The following PTGER4 variants were observed in gnomAD, a reference collection of about 807,000 sequenced individuals.
PTGER4 encodes prostaglandin E2 receptor EP4 subtype.
Under a neutral mutation model 33.2 loss-of-function variants are expected in PTGER4, and 11 were observed. The observed-to-expected ratio is 0.33, with a 90% CI of 0.21 to 0.55. The LOEUF (loss-of-function observed/expected upper bound fraction) is 0.55. Among genes scored for constraint, PTGER4 ranks in the 20% least tolerant of loss-of-function variants. PTGER4 has a pLI of 0.92. For synonymous variants in PTGER4, 275 were observed against 281.5 expected (o/e 0.98, Z 0.23); for missense variants, 481 against 650.2 (o/e 0.74, Z 2.83).
chr5:40,729,466 T>C, the PTGER4 span, among the ~76,000 whole-genome samples: 1 of 152,210 alleles, frequency 6.6e-6, no homozygotes, highest in African/African-American at 2.4e-5. Flanking sequence ...TACAAAATAT[T>C]AGAAACATGT....
the PTGER4 span, among the ~76,000 whole-genome samples, chr5:40,711,353 A>C: frequency 6.6e-6 from 1 of 152,176 alleles, no homozygotes; most frequent in Non-Finnish European, 1.5e-5. Context: ...TATCCACTAA[A>C]GTGTCTAAAA....
At chr5:40,684,035 G>T (rs1488598722) in intron 2 of PTGER4, among the ~76,000 whole-genome samples, 8 of 151,412 alleles carry the variant, frequency 5.3e-5, no homozygotes, top group African/African-American at 7.3e-5. Flanking sequence ...TCAGTTTGTC[G>T]CCTTTAGTTT....
At chr5:40,730,930 T>G in the PTGER4 span, among the ~76,000 whole-genome samples, 1 of 152,124 alleles carries the variant, frequency 6.6e-6, no homozygotes. Context: ...ATATACAACA[T>G]TAAATAAATT....
At chr5:40,686,491 T>C (rs1741326064) in intron 2 of PTGER4, among the ~76,000 whole-genome samples, 1 of 152,232 alleles carries the variant, frequency 6.6e-6, no homozygotes, top group Admixed American at 6.5e-5. Flanking sequence ...AACATATCTG[T>C]TATACGATAG....
the PTGER4 span, among the ~76,000 whole-genome samples, chr5:40,718,311 C>T: frequency 1.3e-5 from 2 of 152,066 alleles, no homozygotes; most frequent in African/African-American, 4.8e-5. Context: ...GAGGCTGAGG[C>T]AGGAAAATTG....
the PTGER4 span, among the ~76,000 whole-genome samples, chr5:40,719,921 TAC>T: frequency 2.0e-4 from 31 of 152,344 alleles, no homozygotes; most frequent in Non-Finnish European, 4.1e-4. Context: ...AAGAGTTTTT[TAC>T]AGAGTCTACA....
the PTGER4 span, among the ~76,000 whole-genome samples, chr5:40,716,921 T>C: frequency 1.3e-5 from 2 of 152,204 alleles, no homozygotes; most frequent in Admixed American, 1.3e-4. Flanking sequence ...TACTACATTC[T>C]AGGCACTAAA....
intron 2 of PTGER4, among the ~76,000 whole-genome samples, chr5:40,684,544 T>TGGTATTGA (rs1161974327): frequency 6.6e-5 from 10 of 152,152 alleles, no homozygotes; most frequent in African/African-American, 2.2e-4. Flanking sequence ...AGAGGGGGGT[T>TGGTATTGA]GGTATTGAGT....
downstream of PTGER4, among the ~76,000 whole-genome samples, chr5:40,697,584 AAAAAAAAAAC>A (rs1481339181): frequency 4.0e-5 from 2 of 50,108 alleles, no homozygotes; most frequent in Non-Finnish European, 5.3e-5. Context: ...ATTCCATCTC[AAAAAAAAAAC>A]AAAAAAACAA....
the PTGER4 span, among the ~76,000 whole-genome samples, chr5:40,744,787 T>C: frequency 6.6e-6 from 1 of 152,156 alleles, no homozygotes; most frequent in Non-Finnish European, 1.5e-5. Flanking sequence ...CAGAGGACAA[T>C]GCTTTAAGAT....
chr5:40,725,076 G>C, the PTGER4 span, among the ~76,000 whole-genome samples: 1 of 151,456 alleles, frequency 6.6e-6, no homozygotes, highest in Non-Finnish European at 1.5e-5. Context: ...CAAAACTCCT[G>C]ACCTCAGGTG....
At chr5:40,696,758 A>T, downstream of PTGER4, 1 of 930,264 alleles carries the variant, frequency 1.1e-6, no homozygotes, top group Non-Finnish European at 1.3e-6. Context: ...AAATCTGAAC[A>T]ATTAGGTAAG....
At chr5:40,731,647 G>A in the PTGER4 span, among the ~76,000 whole-genome samples, 59 of 152,276 alleles carry the variant, frequency 3.9e-4, no homozygotes, top group African/African-American at 1.2e-3. Flanking sequence ...AGAAACTGCC[G>A]CCATAATTCA....
At chr5:40,744,834 C>G in the PTGER4 span, among the ~76,000 whole-genome samples, 2 of 152,162 alleles carry the variant, frequency 1.3e-5, no homozygotes, top group African/African-American at 2.4e-5. Context: ...ATACCAAACA[C>G]AGCAAAGAGA....
the PTGER4 span, among the ~76,000 whole-genome samples, chr5:40,701,939 C>A: frequency 6.6e-6 from 1 of 152,100 alleles, no homozygotes; most frequent in Non-Finnish European, 1.5e-5. Flanking sequence ...CTAAGCTTCC[C>A]AAGTGAAGGA....
At chr5:40,695,214 A>C (rs1741563105), downstream of PTGER4, among the ~76,000 whole-genome samples, 1 of 152,198 alleles carries the variant, frequency 6.6e-6, no homozygotes, top group Non-Finnish European at 1.5e-5. Context: ...GTTCGAGACC[A>C]GGATGGCCAA....
Position 40,680,916 on chromosome 5 carries a change from T to C in PTGER4, c.-43-35T>C. The stretch of plus-strand genomic sequence containing the variant: ...ACACCTTACAAGTGGTAATTTCCGC[T>C]CACGGCAGCTTTGTCTCTCTTCTAC... On this transcript the variant is annotated intron_variant, in intron 1 of 2. Coordinates refer to ENST00000302472, the MANE Select transcript of PTGER4 (RefSeq NM_000958.3). The surrounding 1 kb of genome is among the most constrained non-coding windows in gnomAD (Gnocchi z 5.5). 1 of 1,517,260 alleles carries C rather than the reference T, an allele frequency of 6.6e-7. No individual in the cohort carries two copies. Among genetic ancestry groups the C allele is most frequent in the Non-Finnish European group, 8.8e-7 (1 of 1,130,824 alleles). 94.0% of individuals were successfully genotyped at this position (1,517,260 alleles called of 1,614,324 possible).
Position 40,692,194 on chromosome 5 carries a change from C to T in PTGER4, c.1283C>T (p.Thr428Ile). The change falls in exon 3 of 3, where the codon ACC becomes ATC. Residue 428 changes from threonine to isoleucine, a missense_variant. By Grantham distance (89) the Thr-to-Ile change is moderately conservative (BLOSUM62 -1). This residue lies in a region of PTGER4 where 172 missense variants were observed against 199.2 expected (regional missense o/e 0.86). Transcript: ENST00000302472. ...GGCATGGGCCTGGCCCAGGAAGACA[C>T]CACCTCACTGAGGACTTTGCGAATA... ...VPGMGLAQEDTTSLRTLRISE... is the reference protein window; with the variant it reads ...VPGMGLAQEDITSLRTLRISE... 6.2e-7 allele frequency: 1 copy of T among 1,614,226 alleles called. No homozygotes were observed. The highest frequency in any genetic ancestry group is 8.5e-7 in the Non-Finnish European group (1 of 1,180,026).
chr5:40,714,410 C>T, the PTGER4 span: 3 of 152,086 alleles, frequency 2.0e-5, no homozygotes, highest in Admixed American at 6.6e-5. Context: ...ATAAGAAAGA[C>T]ACTAAGTAGA....
Sources: gnomAD v4.1 joint callset for allele counts (sites outside exome capture counted in the v4.1 genomes callset) on GRCh38, gnomAD v4.1.1 for gene constraint, gnomAD v4.1.1 regional missense constraint, Gnocchi (gnomAD v3.1) non-coding constraint, MANE v1.5 for transcripts, NCBI Gene and HGNC (gene_info 2026-07-23, HGNC 2026-07-21) for gene names.